Variants in CCDC81 observed in about 807,000 individuals in gnomAD.
The protein encoded by CCDC81 is coiled-coil domain-containing protein 81.
CCDC81 carries 79 observed loss-of-function variants against 83.7 expected under a neutral mutation model. The observed-to-expected ratio is 0.94, with a 90% CI of 0.79 to 1.14. CCDC81 has a LOEUF of 1.14. CCDC81 is among the 50% of genes most tolerant of loss of function. The pLI, the probability that CCDC81 is intolerant of heterozygous loss-of-function variation, is 0.00. For missense variants in CCDC81, 791 were observed against 778.1 expected (o/e 1.02, Z -0.20); for synonymous variants, 252 against 278.1 (o/e 0.91, Z 0.93).
intron 3 of CCDC81, among the ~76,000 whole-genome samples, chr11:86,389,493 A>G (rs908059816): frequency 1.3e-5 from 2 of 152,198 alleles, no homozygotes; most frequent in African/African-American, 4.8e-5. Context: ...CAGGAAACTT[A>G]CAATCATGGC....
At chr11:86,421,992 AAAAACCATC>A (rs1408500011) in intron 14 of CCDC81, among the ~76,000 whole-genome samples, 1 of 151,948 alleles carries the variant, frequency 6.6e-6, no homozygotes, top group East Asian at 1.9e-4. Flanking sequence ...CGTAACGAAG[AAAAACCATC>A]AAAGGGGAAA....
chr11:86,414,634 T>A, intron 11 of CCDC81, 155 bp from the exon 12 acceptor site: 1 of 601,412 alleles, frequency 1.7e-6, no homozygotes, highest in Non-Finnish European at 2.9e-6. Flanking sequence ...ACTCTTTTCT[T>A]TCTTAAAATG....
chr11:86,395,453 C>G, intron 5 of CCDC81, 40 bp downstream of exon 5: 2 of 1,498,714 alleles, frequency 1.3e-6, no homozygotes, highest in Non-Finnish European at 1.9e-6. Flanking sequence ...GGCACTAGCA[C>G]TCCTTGCTGA....
intron 1 of CCDC81, among the ~76,000 whole-genome samples, chr11:86,381,822 G>T (rs1948180278): frequency 6.6e-6 from 1 of 152,186 alleles, no homozygotes; most frequent in African/African-American, 2.4e-5. Context: ...AAGGATGGGG[G>T]TGTGTGCCAA....
At chr11:86,412,315 C>T (rs3741007) in intron 10 of CCDC81, 72 bp from the exon 11 acceptor site, 542,313 of 1,156,944 alleles carry the variant, frequency 0.47, 129,843 homozygotes, top group Middle Eastern at 0.51. Flanking sequence ...TCTGATTTAT[C>T]TTAGTCTTCT....
chr11:86,397,302 C>A (rs1948422194), intron 5 of CCDC81, among the ~76,000 whole-genome samples: 1 of 152,076 alleles, frequency 6.6e-6, no homozygotes, highest in South Asian at 2.1e-4. Context: ...CCCATAGCAT[C>A]TAGTTAAAGA....
chr11:86,395,935 T>C (rs1249892711), intron 5 of CCDC81, among the ~76,000 whole-genome samples: 2 of 152,180 alleles, frequency 1.3e-5, no homozygotes, highest in Non-Finnish European at 2.9e-5. Flanking sequence ...TTTACTCTTT[T>C]TTAAAACTAC....
chr11:86,378,530 T>C (rs77798694), intron 1 of CCDC81, among the ~76,000 whole-genome samples: 13,565 of 152,272 alleles, frequency 0.089, 803 homozygotes, highest in Non-Finnish European at 0.14. Context: ...TTTACTAATT[T>C]TCTGCCAGCT....
chr11:86,418,543 A>C (rs1948750326), intron 13 of CCDC81, among the ~76,000 whole-genome samples: 1 of 152,218 alleles, frequency 6.6e-6, no homozygotes. Flanking sequence ...ACTTTTAAAA[A>C]GGAAGAAAGT....
At chr11:86,419,893 A>G (rs190337497) in intron 13 of CCDC81, 35 bp from the exon 14 acceptor site, 2 of 1,572,396 alleles carry the variant, frequency 1.3e-6, no homozygotes, top group African/African-American at 1.4e-5. Context: ...TGCTCTTCCA[A>G]GTATTATGGA....
In CCDC81 at chr11:86,419,723, T is replaced by TG. The variant is rs1400015696; in HGVS notation, c.1692-204dup. ...CAATCCTATTAAATCAAACCAGGATTGAAGATAAAAGACCTTTGATCCATA... is the reference window on the plus strand; with the variant it reads ...CAATCCTATTAAATCAAACCAGGATTGGAAGATAAAAGACCTTTGATCCATA... On this transcript the variant is annotated intron_variant, in intron 13 of 14. Transcript: ENST00000445632. The TG allele has an allele frequency of 1.5e-5, 6 of 412,972 alleles. No individual in the cohort carries two copies. In the East Asian group the frequency reaches 1.9e-4, roughly 13 times the overall value. The allele number at this position is 412,972 out of a possible 1,614,324, so 25.6% of individuals were successfully genotyped here.
chr11:86,422,528 G>A (rs1948806953), intron 14 of CCDC81, 46 bp from the exon 15 acceptor site: 5 of 1,581,460 alleles, frequency 3.2e-6, no homozygotes, highest in Middle Eastern at 3.4e-4. Flanking sequence ...TGGGCCTCCA[G>A]GAACTCCAGG....
In CCDC81 at chr11:86,400,750, T is replaced by C; in HGVS notation, c.830T>C (p.Leu277Pro). 4 of 1,613,198 alleles carry C rather than the reference T, an allele frequency of 2.5e-6. No homozygotes were observed. Among genetic ancestry groups the C allele is most frequent in the Non-Finnish European group, 3.4e-6 (4 of 1,179,270 alleles). The change falls in exon 7 of 15, where the codon CTG becomes CCG. Residue 277 changes from leucine to proline, a missense_variant. Transcript: ENST00000445632. ...FPAKVTNVSL[L>P]EKFERSESGG... ...GCCAAAGTGACAAATGTCAGCTTGC[T>C]GGAAAAGTTTGAACGAAGTGAGAGT...
chr11:86,406,876 C>G (rs761455527), intron 7 of CCDC81, among the ~76,000 whole-genome samples: 1 of 152,018 alleles, frequency 6.6e-6, no homozygotes, highest in Admixed American at 6.6e-5. Context: ...TTAGGTGATA[C>G]TATCTGTCCT....
At chr11:86,384,321 G>A (rs1948212044) in intron 1 of CCDC81, among the ~76,000 whole-genome samples, 1 of 152,136 alleles carries the variant, frequency 6.6e-6, no homozygotes, top group African/African-American at 2.4e-5. Flanking sequence ...TGGGGGTGGG[G>A]AGGAGTGGGG....
At position 86,422,651 on chromosome 11, in the gene CCDC81, A is replaced by G; in HGVS notation, c.1895A>G (p.Asn632Ser). The G allele has an allele frequency of 3.7e-6, 6 of 1,614,072 alleles. No individual in the cohort carries two copies. The highest frequency in any genetic ancestry group is 5.1e-6 in the Non-Finnish European group (6 of 1,179,964). ...RCKQCQRRTS[N>S]VGESNLWPLN... ...AAGCAATGCCAGAGGCGCACCTCCA[A>G]CGTGGGCGAGAGCAACCTGTGGCCC... Residue 632 changes from asparagine (N) to serine (S), a missense_variant, in exon 15 of 15, where the codon AAC becomes AGC. Coordinates refer to ENST00000445632, the MANE Select transcript of CCDC81 (RefSeq NM_001156474.2).
intron 2 of CCDC81, among the ~76,000 whole-genome samples, chr11:86,386,957 G>A (rs1948250168): frequency 1.3e-5 from 2 of 152,112 alleles, no homozygotes; most frequent in Non-Finnish European, 2.9e-5. Context: ...TTTGGCTCCT[G>A]TAGGCATTTG....
intron 5 of CCDC81, among the ~76,000 whole-genome samples, chr11:86,395,870 G>T (rs1046943921): frequency 1.3e-5 from 2 of 152,154 alleles, no homozygotes; most frequent in Non-Finnish European, 2.9e-5. Flanking sequence ...TGATCCATCC[G>T]CCTCGGCCTC....
In CCDC81 at chr11:86,420,056, A is replaced by C; in HGVS notation, c.1817+3A>C. 4.3e-6 allele frequency: 7 copies of C among 1,610,368 alleles called. No individual in the cohort carries two copies. The highest frequency in any genetic ancestry group is 5.9e-6 in the Non-Finnish European group (7 of 1,178,918). On this transcript the variant is annotated splice_donor_region_variant and intron_variant, in intron 14 of 14. Transcript: ENST00000445632. ...CTGGAGGACAAGGCTTTTGAACGGTAATGCCTGATTGGAACCCCAAAATTC... is the reference window on the plus strand; with the variant it reads ...CTGGAGGACAAGGCTTTTGAACGGTCATGCCTGATTGGAACCCCAAAATTC...
Sources: allele counts gnomAD v4.1 joint callset (sites outside exome capture counted in the v4.1 genomes callset), GRCh38; gene constraint gnomAD v4.1.1; transcripts MANE v1.5; gene names NCBI Gene and HGNC (gene_info 2026-07-23, HGNC 2026-07-21).